Variants in DCC observed in about 807,000 individuals in gnomAD.
The protein encoded by DCC is netrin receptor DCC.
In DCC, 58 loss-of-function variants were observed where a neutral mutation model predicts 172.5. The ratio of observed to expected loss-of-function variants is 0.34; its 90% confidence interval spans 0.27 to 0.42. The LOEUF is 0.42. Ranked by LOEUF, DCC falls within the 10% of genes least tolerant of loss-of-function variation. The pLI, the probability that DCC is intolerant of heterozygous loss-of-function variation, is 1.00. For missense variants in DCC, 1,740 were observed against 1,791.0 expected (o/e 0.97, Z 0.51); for synonymous variants, 709 against 644.5 (o/e 1.10, Z -1.52).
Position 52,475,534 on chromosome 18 carries a change from G to T in DCC, c.91+134656G>T, listed in dbSNP as rs12606985. Reference sequence around the variant, plus strand: ...TAGTCAAGTGTCTTTTTCTATGGGGGTGGGGGACAGGGAGGGTTTTTATTT... The same window carrying T: ...TAGTCAAGTGTCTTTTTCTATGGGGTTGGGGGACAGGGAGGGTTTTTATTT... On this transcript the variant is annotated intron_variant, in intron 1 of 28. Transcript: ENST00000442544. Among the ~76,000 whole-genome samples, 1,512 of 152,132 alleles carry T rather than the reference G, an allele frequency of 9.9e-3. 58 individuals carry two copies. Among genetic ancestry groups the T allele is most frequent in the Admixed American group, 0.064 (974 of 15,274 alleles).
intron 1 of DCC, among the ~76,000 whole-genome samples, chr18:52,423,288 C>T (rs1011665302): frequency 6.6e-6 from 1 of 152,054 alleles, no homozygotes; most frequent in African/African-American, 2.4e-5. Context: ...GATAGAGAAG[C>T]CCTGCAGAGG....
At chr18:53,203,092 A>G (rs1429835462) in intron 9 of DCC, among the ~76,000 whole-genome samples, 1 of 152,124 alleles carries the variant, frequency 6.6e-6, no homozygotes, top group Admixed American at 6.6e-5. Context: ...ACTGAAGTTG[A>G]GAACTATACT....
chr18:52,859,654 G>C (rs1886360250), intron 2 of DCC, among the ~76,000 whole-genome samples: 1 of 152,182 alleles, frequency 6.6e-6, no homozygotes, highest in Non-Finnish European at 1.5e-5. Flanking sequence ...ATCTGGACTA[G>C]AGAAAGCCTG....
intron 12 of DCC, among the ~76,000 whole-genome samples, chr18:53,290,640 A>T (rs1456009470): frequency 6.6e-6 from 1 of 152,092 alleles, no homozygotes; most frequent in East Asian, 1.9e-4. Flanking sequence ...CTGTGGTTTC[A>T]TAAAAAAAAA....
intron 1 of DCC, among the ~76,000 whole-genome samples, chr18:52,569,076 G>C (rs1056522463): frequency 5.3e-5 from 8 of 152,096 alleles, no homozygotes; most frequent in Non-Finnish European, 1.2e-4. Context: ...TTGAATCATT[G>C]ATAAGTCTGT....
chr18:52,473,335 T>C (rs1221318726), intron 1 of DCC, among the ~76,000 whole-genome samples: 1 of 152,218 alleles, frequency 6.6e-6, no homozygotes, highest in Non-Finnish European at 1.5e-5. Context: ...TTCTAAACAA[T>C]TGTTTGATGA....
At chr18:53,136,698 T>G (rs2043748284) in intron 7 of DCC, among the ~76,000 whole-genome samples, 1 of 152,118 alleles carries the variant, frequency 6.6e-6, no homozygotes, top group African/African-American at 2.4e-5. Context: ...GTGGTGGTGA[T>G]TTTTTGGTTG....
At position 52,567,424 on chromosome 18, in the gene DCC, C is replaced by T. The variant is rs1030781468; in HGVS notation, c.92-184630C>T. Among the ~76,000 whole-genome samples the T allele has an allele frequency of 2.6e-5, 4 of 152,024 alleles. No individual in the cohort carries two copies. In the South Asian group the frequency reaches 6.2e-4, roughly 24 times the overall value. On this transcript the variant is annotated intron_variant, in intron 1 of 28. Transcript: ENST00000442544. ...GTGGGAACAGAATGGACCCTGGAGC[C>T]GTACTGCCATGGCTGACATCCTGGC...
chr18:53,370,819 T>TTA (rs1255210958), intron 15 of DCC, among the ~76,000 whole-genome samples: 2 of 151,866 alleles, frequency 1.3e-5, no homozygotes, highest in Non-Finnish European at 3.0e-5. Flanking sequence ...ATGCTGTTGT[T>TTA]GTTAGAGTGT....
chr18:52,818,439 AT>A (rs1338698940), intron 2 of DCC, among the ~76,000 whole-genome samples: 32 of 147,588 alleles, frequency 2.2e-4, no homozygotes, highest in Non-Finnish European at 4.2e-4. Context: ...AAAAAAAAAA[AT>A]TTAAAAAGAA....
chr18:53,465,165 CTCTT>C (rs1209030475), intron 24 of DCC, among the ~76,000 whole-genome samples: 9 of 151,648 alleles, frequency 5.9e-5, no homozygotes, highest in African/African-American at 2.2e-4. Flanking sequence ...GATATTTTCA[CTCTT>C]TCTGTTGTTC....
At chr18:52,374,295 G>A (rs1985254036) in intron 1 of DCC, among the ~76,000 whole-genome samples, 1 of 152,058 alleles carries the variant, frequency 6.6e-6, no homozygotes, top group Admixed American at 6.6e-5. Context: ...GGTTTTTACT[G>A]AGGATATCTA....
rs2144931589 is a variant in DCC, at chr18:52,654,531, T to C, written c.92-97523T>C. ...TTTCTTCTGAGGCCTCTCTTTGGCT[T>C]ATGGATGGCTACCTTCCTCACAGGG... On this transcript the variant is annotated intron_variant, in intron 1 of 28. Transcript: ENST00000442544. 2.0e-5 allele frequency among the ~76,000 whole-genome samples: 3 copies of C among 152,310 alleles called. No individual in the cohort carries two copies. The Middle Eastern group carries it at 0.01, about 518-fold the overall frequency.
intron 5 of DCC, among the ~76,000 whole-genome samples, chr18:52,962,119 A>C (rs1178610058): frequency 4.0e-5 from 6 of 150,318 alleles, no homozygotes; most frequent in African/African-American, 1.5e-4. Flanking sequence ...GGATCTAATT[A>C]AACTAAAGAG....
intron 1 of DCC, among the ~76,000 whole-genome samples, chr18:52,731,216 T>C (rs961593498): frequency 3.3e-5 from 5 of 152,204 alleles, no homozygotes; most frequent in Non-Finnish European, 5.9e-5. Context: ...TAATTAATGT[T>C]TCATTATGTT....
chr18:52,980,087 C>G (rs1031356164), intron 5 of DCC, among the ~76,000 whole-genome samples: 1 of 152,120 alleles, frequency 6.6e-6, no homozygotes, highest in African/African-American at 2.4e-5. Context: ...AACTGTCTGC[C>G]TTACAGGGGA....
At chr18:52,989,769 A>C (rs939471165) in intron 5 of DCC, among the ~76,000 whole-genome samples, 2 of 152,182 alleles carry the variant, frequency 1.3e-5, no homozygotes, top group African/African-American at 4.8e-5. Context: ...TCCATCAGTT[A>C]ATAAATTAGA....
intron 1 of DCC, among the ~76,000 whole-genome samples, chr18:52,598,005 G>A (rs969432718): frequency 6.6e-6 from 1 of 152,098 alleles, no homozygotes; most frequent in African/African-American, 2.4e-5. Context: ...CCCCTAAACA[G>A]CCTTGTTAGT....
At chr18:52,828,735 C>G (rs1451441860) in intron 2 of DCC, among the ~76,000 whole-genome samples, 1 of 152,108 alleles carries the variant, frequency 6.6e-6, no homozygotes, top group Non-Finnish European at 1.5e-5. Context: ...GTGTTTCTGT[C>G]TACCTTGGCA....
Sources: gnomAD v4.1 joint callset for allele counts (sites outside exome capture counted in the v4.1 genomes callset) on GRCh38, gnomAD v4.1.1 for gene constraint, MANE v1.5 for transcripts, NCBI Gene and HGNC (gene_info 2026-07-23, HGNC 2026-07-21) for gene names.